The following BLNK variants were observed in gnomAD, a reference collection of about 807,000 sequenced individuals.
The protein encoded by BLNK is B cell linker, also known as B-cell linker protein.
Under a neutral mutation model 73.5 loss-of-function variants are expected in BLNK, and 29 were observed. That is an observed-to-expected ratio of 0.39 (90% CI 0.29 to 0.54). BLNK has a LOEUF of 0.54. Ranked by LOEUF, BLNK falls within the 20% of genes least tolerant of loss-of-function variation. The pLI is 0.61. For synonymous variants in BLNK, 176 were observed against 200.8 expected (o/e 0.88, Z 1.04); for missense variants, 460 against 562.8 (o/e 0.82, Z 1.85).
At chr10:96,257,517 G>A (rs1159703933) in intron 1 of BLNK, among the ~76,000 whole-genome samples, 2 of 152,244 alleles carry the variant, frequency 1.3e-5, no homozygotes, top group Admixed American at 1.3e-4. Context: ...GTGCCATGTT[G>A]GCCATACTGG....
rs188784863 is a variant in BLNK at position 96,254,505 on chromosome 10, T to G, written c.48-7456A>C. Among the ~76,000 whole-genome samples the G allele has an allele frequency of 8.0e-4, 121 of 150,974 alleles. No individual in the cohort carries two copies. In the East Asian group the frequency reaches 0.011, roughly 14 times the overall value. ...GCTCAGCCTTCTTCAATGAGTTTTT[T>G]TTTTGTTTTGTTTTGTTTTTTTGAG... is the stretch of plus-strand genomic sequence containing the variant. On this transcript the variant is annotated intron_variant, in intron 1 of 16. Transcript: ENST00000224337.
chr10:96,217,934 T>C (rs937392668), intron 6 of BLNK, among the ~76,000 whole-genome samples: 6 of 152,244 alleles, frequency 3.9e-5, no homozygotes, highest in South Asian at 2.1e-4. Flanking sequence ...TTTTAGCTCT[T>C]ACAGTTAGGT....
At chr10:96,243,256 G>A (rs966608190) in intron 2 of BLNK, among the ~76,000 whole-genome samples, 1 of 152,094 alleles carries the variant, frequency 6.6e-6, no homozygotes, top group Non-Finnish European at 1.5e-5. Flanking sequence ...TTTTAAAAAC[G>A]CAAATAAGCC....
chr10:96,209,696 T>C, intron 9 of BLNK, 142 bp downstream of exon 9: 2 of 1,046,396 alleles, frequency 1.9e-6, no homozygotes, highest in Non-Finnish European at 3.0e-6. Context: ...CCTGGCTCAT[T>C]TGATGTTAGC....
chr10:96,237,365 G>A (rs1321595210), intron 3 of BLNK, among the ~76,000 whole-genome samples: 1 of 151,838 alleles, frequency 6.6e-6, no homozygotes, highest in African/African-American at 2.4e-5. Context: ...TTTTTTCCAT[G>A]TAAGTGAGTT....
At chr10:96,204,381 C>T in intron 12 of BLNK, 151 bp downstream of exon 12, 1 of 940,238 alleles carries the variant, frequency 1.1e-6, no homozygotes, top group Non-Finnish European at 1.7e-6. Flanking sequence ...TTTAAAGTTG[C>T]TCAACACCTT....
intron 16 of BLNK, among the ~76,000 whole-genome samples, chr10:96,195,814 G>T (rs1391042488): frequency 6.6e-6 from 1 of 152,174 alleles, no homozygotes; most frequent in Non-Finnish European, 1.5e-5. Flanking sequence ...TTTAACCACA[G>T]TTGTCTAAAA....
intron 6 of BLNK, among the ~76,000 whole-genome samples, chr10:96,220,001 T>A (rs966141493): frequency 3.3e-5 from 5 of 152,202 alleles, no homozygotes; most frequent in African/African-American, 9.7e-5. Context: ...AAGATGGCAC[T>A]GGCCAAGTAG....
At chr10:96,223,267 G>T (rs1249248861) in intron 6 of BLNK, among the ~76,000 whole-genome samples, 1 of 152,182 alleles carries the variant, frequency 6.6e-6, no homozygotes, top group African/African-American at 2.4e-5. Flanking sequence ...AGAATCAGGG[G>T]AGAAGGGACA....
intron 1 of BLNK, among the ~76,000 whole-genome samples, chr10:96,249,580 G>A (rs148088035): frequency 1.4e-4 from 21 of 152,364 alleles, no homozygotes; most frequent in African/African-American, 5.0e-4. Context: ...CGTAAAATGG[G>A]AACTTAGGCT....
At chr10:96,249,700 ATG>A (rs1426574954) in intron 1 of BLNK, among the ~76,000 whole-genome samples, 2 of 152,184 alleles carry the variant, frequency 1.3e-5, no homozygotes, top group Non-Finnish European at 2.9e-5. Context: ...GGTTTGGGCG[ATG>A]GCAGGGGGTG....
rs186626631 is a variant in BLNK, at chr10:96,206,299, A to G, written c.817+712T>C. ...GGGTACAGGGCATGAACTTCTATAT[A>G]ATGTTTTAAGTGCTGATATTATAGA... is the stretch of plus-strand genomic sequence containing the variant. On this transcript the variant is annotated intron_variant, in intron 11 of 16. Coordinates refer to ENST00000224337, the MANE Select transcript of BLNK (RefSeq NM_013314.4). Among the ~76,000 whole-genome samples the G allele has an allele frequency of 3.9e-4, 59 of 152,322 alleles. 1 individual carries two copies. The highest frequency in any genetic ancestry group is 3.0e-3 in the Admixed American group (46 of 15,300).
Position 96,261,462 on chromosome 10 carries a change from GA to G in BLNK, c.47+9889del, listed in dbSNP as rs376680562. 7.6e-3 allele frequency among the ~76,000 whole-genome samples: 1,159 copies of G among 152,236 alleles called. 16 individuals carry two copies. Among genetic ancestry groups the G allele is most frequent in the African/African-American group, 0.027 (1,111 of 41,530 alleles). ...TAATTTACTTTTGAGGTATTTTCAT[GA>G]ATAGCTTTTGTTTTCATCATGCTAA... On this transcript the variant is annotated intron_variant, in intron 1 of 16. Transcript: ENST00000224337.
intron 6 of BLNK, among the ~76,000 whole-genome samples, chr10:96,220,523 G>A (rs1383578443): frequency 2.6e-5 from 4 of 152,126 alleles, no homozygotes; most frequent in East Asian, 1.9e-4. Flanking sequence ...ATGCTTTAAC[G>A]TTGTTATTGC....
At chr10:96,202,254 A>G (rs1249518965) in intron 13 of BLNK, among the ~76,000 whole-genome samples, 8 of 152,146 alleles carry the variant, frequency 5.3e-5, no homozygotes, top group African/African-American at 1.9e-4. Context: ...GGGTAACATG[A>G]TCTGCCTATG....
chr10:96,192,243 T>A, intron 16 of BLNK, 151 bp from the exon 17 acceptor site: 1 of 1,109,292 alleles, frequency 9.0e-7, no homozygotes, highest in Non-Finnish European at 1.3e-6. Flanking sequence ...ACAAAGGCTG[T>A]AACCTTCAAG....
At chr10:96,204,893 G>A (rs2083755358) in intron 11 of BLNK, 1 of 398,458 alleles carries the variant, frequency 2.5e-6, no homozygotes, top group South Asian at 2.2e-5. Flanking sequence ...CACGGGCCCT[G>A]AAACTTTAAG....
Position 96,223,842 on chromosome 10 carries a change from C to A in BLNK, c.509G>T (p.Gly170Val). ...TTACTTTACCTCATCCTCAAGGAGG[C>A]CTTTGGGTTTGGGTGGGACTTGAGG... ...QKPQVPPKPK[G>V]LLEDEADYVV... Residue 170 changes from glycine (G) to valine (V), a missense_variant, in exon 6 of 17, where the codon GGC (glycine) becomes GTC (valine). Physicochemically the swap from Gly to Val is moderately radical, Grantham distance 109 (BLOSUM62 -3). This residue lies in a region of BLNK where 233 missense variants were observed against 232.1 expected (regional missense o/e 1.00). Transcript: ENST00000224337. 3 of 1,613,822 alleles carry A rather than the reference C, an allele frequency of 1.9e-6. No individual in the cohort carries two copies. The highest frequency in any genetic ancestry group is 1.7e-4 in the Middle Eastern group (1 of 5,886).
chr10:96,242,632 G>A (rs1842914786), intron 3 of BLNK, 103 bp downstream of exon 3: 1 of 1,131,634 alleles, frequency 8.8e-7, no homozygotes, highest in Non-Finnish European at 1.3e-6. Flanking sequence ...GATACCTTTT[G>A]TTTTCAAATG....
Sources: allele counts gnomAD v4.1 joint callset (sites outside exome capture counted in the v4.1 genomes callset), GRCh38; gene constraint gnomAD v4.1.1; regional missense constraint gnomAD v4.1.1; transcripts MANE v1.5; gene names NCBI Gene and HGNC (gene_info 2026-07-23, HGNC 2026-07-21).